Variants in DPP10 observed in about 807,000 individuals in gnomAD.
DPP10 encodes inactive dipeptidyl peptidase 10.
A neutral mutation model predicts 120.9 loss-of-function variants in DPP10; 33 were observed. The ratio of observed to expected loss-of-function variants is 0.27; its 90% CI spans 0.21 to 0.37. The LOEUF (loss-of-function observed/expected upper bound fraction) is 0.37, where lower values mean the gene tolerates loss of function less well. Ranked by LOEUF, DPP10 falls within the 10% of genes least tolerant of loss-of-function variation. The pLI, the probability that DPP10 is intolerant of heterozygous loss-of-function variation, is 1.00. For missense variants in DPP10, 816 were observed against 942.8 expected (o/e 0.87, Z 1.76); for synonymous variants, 337 against 326.1 (o/e 1.03, Z -0.36).
intron 1 of DPP10, among the ~76,000 whole-genome samples, chr2:114,764,688 G>A (rs1680562438): frequency 6.6e-6 from 1 of 151,958 alleles, no homozygotes; most frequent in African/African-American, 2.4e-5. Context: ...TTTTGGGTTA[G>A]AACACAATGT....
chr2:115,624,662 G>T (rs1212927130), intron 5 of DPP10, among the ~76,000 whole-genome samples: 4 of 152,266 alleles, frequency 2.6e-5, no homozygotes, highest in Non-Finnish European at 5.9e-5. Context: ...ACTTATTTCA[G>T]TTATTGTGAA....
intron 1 of DPP10, among the ~76,000 whole-genome samples, chr2:114,526,138 T>G (rs2104696994): frequency 6.6e-6 from 1 of 152,328 alleles, no homozygotes; most frequent in South Asian, 2.1e-4. Context: ...TGAACAATGC[T>G]TATTCATCAT....
At chr2:115,796,097 C>A (rs1684497871) in intron 19 of DPP10, among the ~76,000 whole-genome samples, 1 of 152,048 alleles carries the variant, frequency 6.6e-6, no homozygotes, top group Non-Finnish European at 1.5e-5. Flanking sequence ...TTTTTCTCTT[C>A]GTTTTTATCT....
intron 5 of DPP10, among the ~76,000 whole-genome samples, chr2:115,626,270 GACAT>G (rs758238321): frequency 2.0e-4 from 31 of 151,948 alleles, no homozygotes; most frequent in Non-Finnish European, 3.8e-4. Context: ...GAATCAATCA[GACAT>G]ACATGATCTT....
intron 4 of DPP10, among the ~76,000 whole-genome samples, chr2:115,507,011 C>T (rs1375242212): frequency 1.3e-5 from 2 of 149,228 alleles, no homozygotes; most frequent in Non-Finnish European, 3.0e-5. Flanking sequence ...ACAACCTTGG[C>T]TGCATTACAC....
At chr2:114,753,922 A>G (rs1558705696) in intron 1 of DPP10, among the ~76,000 whole-genome samples, 1 of 151,206 alleles carries the variant, frequency 6.6e-6, no homozygotes, top group African/African-American at 2.4e-5. Context: ...AAAAAAAAAA[A>G]AAAAAAAAAA....
Position 115,836,617 on chromosome 2 carries a change from T to A in DPP10, c.2109+52T>A, listed in dbSNP as rs752445004. The A allele has an allele frequency of 3.1e-6, 5 of 1,608,620 alleles. No homozygotes were observed. In the African/African-American group the frequency reaches 4.0e-5, roughly 13 times the overall value. On this transcript the variant is annotated intron_variant, in intron 23 of 25. Transcript: ENST00000410059. ...AGAGGAGTATTTTTGTTCTAAAAAA[T>A]TAGTTAAATGGCTTATTTAGATCTA...
intron 7 of DPP10, among the ~76,000 whole-genome samples, chr2:115,712,285 C>T (rs1298156322): frequency 1.3e-5 from 2 of 149,874 alleles, no homozygotes; most frequent in Non-Finnish European, 3.0e-5. Flanking sequence ...CAATAAGGTT[C>T]ACACTCCTAT....
rs11899795 is a variant in DPP10 at position 115,017,972 on chromosome 2, C to T, written c.61-291267C>T. ...ACATATATAACAAACCTGCACGTTG[C>T]GCACATGTACGCTAGAACTTAAAGT... is the stretch of plus-strand genomic sequence containing the variant. On this transcript the variant is annotated intron_variant, in intron 1 of 25. Coordinates refer to ENST00000410059, the MANE Select transcript of DPP10 (RefSeq NM_020868.6). Among the ~76,000 whole-genome samples the T allele has an allele frequency of 7.9e-5, 12 of 151,138 alleles. No individual in the cohort carries two copies. In the South Asian group the frequency reaches 2.1e-3, roughly 26 times the overall value.
chr2:115,009,683 G>C (rs1002946900), intron 1 of DPP10, among the ~76,000 whole-genome samples: 1 of 151,694 alleles, frequency 6.6e-6, no homozygotes, highest in Non-Finnish European at 1.5e-5. Context: ...GTAGATGACG[G>C]GTTGATGGGT....
chr2:114,819,505 G>A (rs949497948), intron 1 of DPP10, among the ~76,000 whole-genome samples: 1 of 152,074 alleles, frequency 6.6e-6, no homozygotes, highest in African/African-American at 2.4e-5. Context: ...GTTGAAAATG[G>A]TCCAACAGTT....
intron 1 of DPP10, among the ~76,000 whole-genome samples, chr2:114,699,642 A>T (rs529045439): frequency 2.6e-5 from 4 of 152,234 alleles, no homozygotes; most frequent in African/African-American, 9.6e-5. Context: ...AAGTTAGAAC[A>T]CCAGTAAGAG....
At chr2:115,217,654 C>G (rs896965230) in intron 1 of DPP10, among the ~76,000 whole-genome samples, 13 of 152,176 alleles carry the variant, frequency 8.5e-5, no homozygotes, top group Non-Finnish European at 1.6e-4. Flanking sequence ...ATTTCATCAT[C>G]ACCTGTTCTA....
intron 2 of DPP10, among the ~76,000 whole-genome samples, chr2:115,340,396 A>T (rs981101539): frequency 3.9e-5 from 6 of 152,078 alleles, no homozygotes; most frequent in African/African-American, 1.4e-4. Flanking sequence ...AAATAGTATT[A>T]ATGTACATAA....
chr2:115,533,769 G>A (rs1225803364), intron 5 of DPP10, among the ~76,000 whole-genome samples: 1 of 152,058 alleles, frequency 6.6e-6, no homozygotes, highest in African/African-American at 2.4e-5. Context: ...GGGACTCTGA[G>A]TTCATCCTGA....
rs548760124 is a variant in DPP10 at position 115,643,131 on chromosome 2, TA to T, written c.442-46545del. On this transcript the variant is annotated intron_variant, in intron 5 of 25. Coordinates refer to ENST00000410059, the MANE Select transcript of DPP10 (RefSeq NM_020868.6). ...TTAAAGTCAGTCTTGACTCTAGAAA[TA>T]AAAAAAAAAATGCGTAAGAAGAGCA... Among the ~76,000 whole-genome samples the T allele has an allele frequency of 4.7e-3, 677 of 144,524 alleles. 8 individuals carry two copies. Among genetic ancestry groups the T allele is most frequent in the Admixed American group, 0.024 (343 of 14,446 alleles). 94.8% of individuals were successfully genotyped at this position (144,524 alleles called of 152,430 possible).
intron 1 of DPP10, among the ~76,000 whole-genome samples, chr2:114,811,496 G>A (rs960357828): frequency 2.0e-5 from 3 of 151,318 alleles, no homozygotes; most frequent in African/African-American, 7.3e-5. Flanking sequence ...CCCACCATCA[G>A]CATCACCCTC....
intron 5 of DPP10, among the ~76,000 whole-genome samples, chr2:115,616,975 A>G (rs969227436): frequency 6.6e-6 from 1 of 151,496 alleles, no homozygotes; most frequent in African/African-American, 2.4e-5. Flanking sequence ...TCTCATACTC[A>G]CTTACCCTCA....
At position 115,403,381 on chromosome 2, in the gene DPP10, C is replaced by CTT. The variant is rs78116780; in HGVS notation, c.271+59504_271+59505dup. Among the ~76,000 whole-genome samples, 142 of 118,414 alleles carry CTT rather than the reference C, an allele frequency of 1.2e-3. 12 individuals carry two copies. Among genetic ancestry groups the CTT allele is most frequent in the East Asian group, 4.8e-3 (16 of 3,304 alleles). 77.7% of individuals were successfully genotyped at this position (118,414 alleles called of 152,430 possible). A position where few individuals can be genotyped will look rare whatever the true frequency, so the allele number is the denominator to read the frequency against. On this transcript the variant is annotated intron_variant, in intron 3 of 25. Transcript: ENST00000410059. ...TACTTCTCTCTTTCTTTCTTTCCTT[C>CTT]TTTTTTTTTTTTTTTTTTTTTTTTT...
Sources: allele counts gnomAD v4.1 joint callset (sites outside exome capture counted in the v4.1 genomes callset), GRCh38; gene constraint gnomAD v4.1.1; transcripts MANE v1.5; gene names NCBI Gene and HGNC (gene_info 2026-07-23, HGNC 2026-07-21).